Variants in PAX5 observed in about 807,000 individuals in gnomAD.
PAX5 encodes paired box protein Pax-5.
A neutral mutation model predicts 43.7 loss-of-function variants in PAX5; 9 were observed. The ratio of observed to expected loss-of-function variants is 0.21; its 90% CI spans 0.12 to 0.36. The LOEUF (loss-of-function observed/expected upper bound fraction) is 0.36. Among genes scored for constraint, PAX5 ranks in the 10% least tolerant of loss-of-function variants. The probability of loss-of-function intolerance (pLI) is 1.00; values close to 1 mark genes in which losing one functional copy is unlikely to be tolerated. For synonymous variants in PAX5, 228 were observed against 214.3 expected (o/e 1.06, Z -0.56); for missense variants, 383 against 532.7 (o/e 0.72, Z 2.77).
chr9:36,903,405 G>T (rs531581524), intron 7 of PAX5, among the ~76,000 whole-genome samples: 1 of 152,318 alleles, frequency 6.6e-6, no homozygotes, highest in South Asian at 2.1e-4. Flanking sequence ...TCTTTCTTAT[G>T]CTTTTATTTT....
At chr9:36,854,730 C>T (rs193168012) in intron 8 of PAX5, among the ~76,000 whole-genome samples, 4 of 152,172 alleles carry the variant, frequency 2.6e-5, no homozygotes, top group Admixed American at 2.0e-4. Flanking sequence ...GTCAGCCTGT[C>T]GGCCCCGACA....
At position 36,840,464 on chromosome 9, in the gene PAX5, C is replaced by T. The variant is rs948498489; in HGVS notation, c.*96G>A. 1.2e-4 allele frequency: 146 copies of T among 1,198,470 alleles called. 1 individual carries two copies. The highest frequency in any genetic ancestry group is 4.9e-4 in the Middle Eastern group (2 of 4,042). The allele number at this position is 1,198,470 out of a possible 1,614,324, so 74.2% of individuals were successfully genotyped here. ...CAGGCAAGTGGGGGATGCTGGGGGA[C>T]GGTCTCATGGGCTCTCTGGCTATCT... On this transcript the variant is annotated 3_prime_UTR_variant, in exon 10 of 10. Transcript: ENST00000358127.
chr9:36,880,413 C>G (rs1826306418), intron 8 of PAX5, among the ~76,000 whole-genome samples: 1 of 152,222 alleles, frequency 6.6e-6, no homozygotes, highest in Non-Finnish European at 1.5e-5. Context: ...GGGTGGGACT[C>G]CAGCATGAGC....
At position 36,837,558 on chromosome 9, in the gene PAX5, C is replaced by T. The variant is rs1341594480; in HGVS notation, c.*3002G>A. The T allele has an allele frequency of 3.4e-5, 8 of 233,330 alleles. No homozygotes were observed. In the South Asian group the frequency reaches 1.1e-3, roughly 32 times the overall value. 14.5% of individuals were successfully genotyped at this position (233,330 alleles called of 1,614,324 possible). A position where few individuals can be genotyped will look rare whatever the true frequency, so the allele number is the denominator to read the frequency against. ...TCAGAATTCTCTGGCATCTACTCAACGGCTTGTGTCCTTTGGAGCCATCCT... is the reference window on the plus strand; with the variant it reads ...TCAGAATTCTCTGGCATCTACTCAATGGCTTGTGTCCTTTGGAGCCATCCT... On this transcript the variant is annotated 3_prime_UTR_variant, in exon 10 of 10. Coordinates refer to ENST00000358127, the MANE Select transcript of PAX5 (RefSeq NM_016734.3).
intron 8 of PAX5, among the ~76,000 whole-genome samples, chr9:36,867,954 T>C (rs561180392): frequency 5.1e-4 from 77 of 151,994 alleles, no homozygotes; most frequent in Admixed American, 1.4e-3. Context: ...CCCAGCCTGG[T>C]TGGGCTCCCC....
At chr9:36,841,938 G>C (rs1822096097) in intron 9 of PAX5, among the ~76,000 whole-genome samples, 1 of 152,094 alleles carries the variant, frequency 6.6e-6, no homozygotes, top group African/African-American at 2.4e-5. Flanking sequence ...CCATAACTGG[G>C]GGCTGAGTCC....
intron 8 of PAX5, among the ~76,000 whole-genome samples, chr9:36,871,861 C>T (rs1236207157): frequency 1.3e-5 from 2 of 152,204 alleles, no homozygotes; most frequent in African/African-American, 4.8e-5. Flanking sequence ...CAGTGAGCAC[C>T]GGCTTTGGAC....
chr9:36,942,460 C>T (rs966853606), intron 6 of PAX5, among the ~76,000 whole-genome samples: 3 of 152,144 alleles, frequency 2.0e-5, no homozygotes, highest in Non-Finnish European at 4.4e-5. Context: ...TCAAACAAGG[C>T]CACAGATGTG....
intron 5 of PAX5, among the ~76,000 whole-genome samples, chr9:36,998,315 G>A (rs551527448): frequency 1.3e-5 from 2 of 152,276 alleles, no homozygotes; most frequent in East Asian, 1.9e-4. Flanking sequence ...AGGGCCCTTC[G>A]CCAATCCACT....
chr9:37,008,974 G>A (rs1243807420), intron 3 of PAX5, among the ~76,000 whole-genome samples: 1 of 152,156 alleles, frequency 6.6e-6, no homozygotes, highest in East Asian at 1.9e-4. Context: ...TGTGTCTACA[G>A]AGATATTGCT....
At chr9:37,001,547 C>T (rs569792665) in intron 5 of PAX5, among the ~76,000 whole-genome samples, 110 of 152,344 alleles carry the variant, frequency 7.2e-4, no homozygotes, top group African/African-American at 2.4e-3. Flanking sequence ...TTCCAAAAGC[C>T]GCAAATCTTC....
At chr9:37,021,966 A>G (rs1839893667) in intron 1 of PAX5, among the ~76,000 whole-genome samples, 1 of 152,048 alleles carries the variant, frequency 6.6e-6, no homozygotes, top group African/African-American at 2.4e-5. Flanking sequence ...ACACATATAT[A>G]CTCAACTCTA....
At chr9:36,859,225 G>A (rs779887461) in intron 8 of PAX5, among the ~76,000 whole-genome samples, 3 of 152,162 alleles carry the variant, frequency 2.0e-5, no homozygotes, top group Admixed American at 6.5e-5. Flanking sequence ...CCCTGCCCAC[G>A]GAGAGCCCAC....
intron 6 of PAX5, among the ~76,000 whole-genome samples, chr9:36,960,658 C>T (rs867922079): frequency 1.7e-4 from 26 of 152,292 alleles, no homozygotes; most frequent in Middle Eastern, 3.4e-3. Context: ...CCACAGATCC[C>T]GGGCTCTGGG....
At chr9:36,986,723 A>T (rs1295343172) in intron 5 of PAX5, among the ~76,000 whole-genome samples, 1 of 152,040 alleles carries the variant, frequency 6.6e-6, no homozygotes, top group Non-Finnish European at 1.5e-5. Context: ...GGGGCCGAGG[A>T]GGAAGGGACC....
chr9:37,020,764 C>T lies in PAX5; in HGVS notation c.84G>A (p.Val28=). ...GGVNQLGGVF[V]NGRPLPDVVR... Reference sequence around the variant, plus strand: ...CTACATCCGGGAGTGGCCGTCCATTCACAAAAACCCCCCCAAGCTGATTCA... The same window carrying T: ...CTACATCCGGGAGTGGCCGTCCATTTACAAAAACCCCCCCAAGCTGATTCA... Residue 28 remains valine (V), a synonymous_variant, in exon 2 of 10, where the codon GTG becomes GTA. Coordinates refer to ENST00000358127, the MANE Select transcript of PAX5 (RefSeq NM_016734.3). The T allele has an allele frequency of 6.2e-7, 1 of 1,614,130 alleles. No individual in the cohort carries two copies. Among genetic ancestry groups the T allele is most frequent in the South Asian group, 1.1e-5 (1 of 91,084 alleles).
Position 36,966,631 on chromosome 9 carries a change from T to G in PAX5, c.698A>C (p.Gln233Pro), listed in dbSNP as rs1834462881. The change falls in exon 6 of 10, where the codon CAG becomes CCG. Residue 233 changes from glutamine (Q) to proline (P), a missense_variant. Transcript: ENST00000358127. ...AAACACGCGGTCCAGCACCTCCAGC[T>G]GCTGCTGTGTGAACAAGTCTCCCCG... is the stretch of plus-strand genomic sequence containing the variant. Reference protein sequence around the residue: ...QMRGDLFTQQQLEVLDRVFER... With the variant: ...QMRGDLFTQQPLEVLDRVFER... The G allele has an allele frequency of 1.2e-6, 2 of 1,614,096 alleles. No individual in the cohort carries two copies. Among genetic ancestry groups the G allele is most frequent in the Non-Finnish European group, 1.7e-6 (2 of 1,180,036 alleles).
At chr9:37,019,926 C>A (rs909515268) in intron 2 of PAX5, among the ~76,000 whole-genome samples, 2 of 152,176 alleles carry the variant, frequency 1.3e-5, no homozygotes, top group African/African-American at 4.8e-5. Context: ...TTTGTTTTCT[C>A]ATCTTAAAAC....
At chr9:36,993,647 C>T (rs1053334189) in intron 5 of PAX5, among the ~76,000 whole-genome samples, 1 of 152,214 alleles carries the variant, frequency 6.6e-6, no homozygotes, top group Non-Finnish European at 1.5e-5. Context: ...AACCATATTC[C>T]CAAGCCAGAG....
Sources: allele counts gnomAD v4.1 joint callset (sites outside exome capture counted in the v4.1 genomes callset), GRCh38; gene constraint gnomAD v4.1.1; transcripts MANE v1.5; gene names NCBI Gene and HGNC (gene_info 2026-07-23, HGNC 2026-07-21).